Variants in TAS2R1 observed in about 807,000 individuals in gnomAD.
TAS2R1 encodes the protein taste receptor type 2 member 1.
For synonymous variants in TAS2R1, 141 were observed against 134.2 expected (o/e 1.05, Z -0.35); for missense variants, 370 against 353.4 (o/e 1.05, Z -0.38).
intron 1 of TAS2R1, among the ~76,000 whole-genome samples, chr5:9,697,893 G>GA (rs1262102473): frequency 2.7e-5 from 4 of 147,754 alleles, no homozygotes; most frequent in Admixed American, 6.7e-5. Flanking sequence ...TGGAAATAAA[G>GA]AAAAAAATCA....
chr5:9,878,331 C>T, the TAS2R1 span, among the ~76,000 whole-genome samples: 140 of 152,244 alleles, frequency 9.2e-4, no homozygotes, highest in African/African-American at 3.1e-3. Flanking sequence ...TTAGCACCCC[C>T]GCCCAGGACT....
At chr5:9,709,197 A>C (rs1471753624) in intron 1 of TAS2R1, among the ~76,000 whole-genome samples, 1 of 152,018 alleles carries the variant, frequency 6.6e-6, no homozygotes, top group Non-Finnish European at 1.5e-5. Flanking sequence ...AGAAAAAAAA[A>C]AAAAAAAGAA....
At chr5:9,824,828 C>T in the TAS2R1 span, among the ~76,000 whole-genome samples, 6 of 99,104 alleles carry the variant, frequency 6.1e-5, no homozygotes, top group Non-Finnish European at 1.1e-4. Flanking sequence ...ACCTGGGCAA[C>T]AAGAGTGAAA....
chr5:9,702,636 G>T (rs1376716618), intron 1 of TAS2R1, among the ~76,000 whole-genome samples: 3 of 152,244 alleles, frequency 2.0e-5, no homozygotes, highest in South Asian at 2.1e-4. Flanking sequence ...TACGTTTGAG[G>T]TTGACGTGTT....
the TAS2R1 span, among the ~76,000 whole-genome samples, chr5:9,860,377 C>A: frequency 6.6e-6 from 1 of 152,224 alleles, no homozygotes; most frequent in Non-Finnish European, 1.5e-5. Flanking sequence ...TACCTTCCCT[C>A]ATCTCCCTCC....
At chr5:9,784,430 G>A in the TAS2R1 span, among the ~76,000 whole-genome samples, 8 of 152,342 alleles carry the variant, frequency 5.3e-5, no homozygotes, top group South Asian at 6.2e-4. Context: ...CAGCTGGCAT[G>A]AGGCCTGAGA....
the TAS2R1 span, among the ~76,000 whole-genome samples, chr5:9,865,029 C>T: frequency 1.9e-4 from 29 of 152,276 alleles, 1 homozygote; most frequent in East Asian, 4.8e-3. Flanking sequence ...GGAATAAACA[C>T]GTCCATACGG....
intron 1 of TAS2R1, among the ~76,000 whole-genome samples, chr5:9,681,204 A>G (rs1240322690): frequency 6.6e-6 from 1 of 152,170 alleles, no homozygotes; most frequent in Non-Finnish European, 1.5e-5. Context: ...TTTCAATATA[A>G]TAGTGCATTG....
chr5:9,719,931 A>C, the TAS2R1 span, among the ~76,000 whole-genome samples: 2 of 140,694 alleles, frequency 1.4e-5, no homozygotes, highest in East Asian at 4.1e-4. Flanking sequence ...AAAAAAAAAA[A>C]AAAAAAACAA....
chr5:9,813,344 T>C, the TAS2R1 span, among the ~76,000 whole-genome samples: 2 of 152,222 alleles, frequency 1.3e-5, no homozygotes, highest in Non-Finnish European at 2.9e-5. Context: ...TCCATCAGTC[T>C]CTGGAACTTT....
At chr5:9,765,764 C>T in the TAS2R1 span, 1 of 152,136 alleles carries the variant, frequency 6.6e-6, no homozygotes, top group Non-Finnish European at 1.5e-5. Flanking sequence ...GAATAAACGA[C>T]CCAGTACCTC....
the TAS2R1 span, among the ~76,000 whole-genome samples, chr5:9,747,187 G>A: frequency 6.6e-6 from 1 of 152,170 alleles, no homozygotes; most frequent in Non-Finnish European, 1.5e-5. Context: ...ATTGGGCATT[G>A]GAGTTTGCAA....
At chr5:9,777,168 C>A in the TAS2R1 span, among the ~76,000 whole-genome samples, 1 of 152,064 alleles carries the variant, frequency 6.6e-6, no homozygotes, top group Admixed American at 6.5e-5. Context: ...TTTGCTGCAT[C>A]GATTGACTCT....
At chr5:9,756,541 C>T in the TAS2R1 span, among the ~76,000 whole-genome samples, 38 of 152,130 alleles carry the variant, frequency 2.5e-4, no homozygotes, top group African/African-American at 7.0e-4. Flanking sequence ...GACAGCTTTT[C>T]CCATGGGGCT....
chr5:9,684,141 A>T (rs908778091), intron 1 of TAS2R1, among the ~76,000 whole-genome samples: 1 of 152,354 alleles, frequency 6.6e-6, no homozygotes, highest in Middle Eastern at 3.4e-3. Context: ...AAAATATGGA[A>T]TCAACCTAAG....
At chr5:9,688,002 T>C (rs1741162181) in intron 1 of TAS2R1, among the ~76,000 whole-genome samples, 1 of 152,228 alleles carries the variant, frequency 6.6e-6, no homozygotes, top group Non-Finnish European at 1.5e-5. Context: ...AGTTGATATT[T>C]CAGCAAACTT....
chr5:9,633,301 TATA>T (rs1561364947), upstream of TAS2R1, among the ~76,000 whole-genome samples: 529 of 115,122 alleles, frequency 4.6e-3, 30 homozygotes, highest in African/African-American at 0.02. Flanking sequence ...ATATTATATA[TATA>T]TATATATATA....
the TAS2R1 span, among the ~76,000 whole-genome samples, chr5:9,840,833 TTTTA>T: frequency 6.2e-3 from 478 of 77,398 alleles, 1 homozygote; most frequent in East Asian, 0.018. Context: ...TTTCATTTTA[TTTTA>T]TTTATTTATT....
chr5:9,739,907 T>C, the TAS2R1 span, among the ~76,000 whole-genome samples: 1 of 152,334 alleles, frequency 6.6e-6, no homozygotes, highest in East Asian at 1.9e-4. Flanking sequence ...GCATTTTAGA[T>C]TTGATGAAAT....
Sources: gnomAD v4.1 joint callset for allele counts (sites outside exome capture counted in the v4.1 genomes callset) on GRCh38, gnomAD v4.1.1 for gene constraint, MANE v1.5 for transcripts, NCBI Gene and HGNC (gene_info 2026-07-23, HGNC 2026-07-21) for gene names.